The following SLC61A1 variants were observed in gnomAD, a reference collection of about 807,000 sequenced individuals.
SLC61A1 encodes solute carrier family 61 member 1.
At chr12:53,251,795 G>T in the SLC61A1 span, 1 of 1,537,310 alleles carries the variant, frequency 6.5e-7, no homozygotes, top group Non-Finnish European at 8.7e-7. Context: ...TCGGGCAGCG[G>T]TGCTGTTCCT....
chr12:53,252,258 CG>C, the SLC61A1 span: 44 of 1,401,300 alleles, frequency 3.1e-5, no homozygotes, highest in Non-Finnish European at 4.0e-5. Context: ...CCCCGCAGAC[CG>C]GGGCAGCAGG....
the SLC61A1 span, chr12:53,253,855 G>A: frequency 3.8e-5 from 61 of 1,614,048 alleles, no homozygotes; most frequent in Non-Finnish European, 4.5e-5. Context: ...AGGAGAGTCC[G>A]GTGGAGTCCT....
At chr12:53,252,619 C>G in the SLC61A1 span, 1 of 1,214,832 alleles carries the variant, frequency 8.2e-7, no homozygotes, top group Non-Finnish European at 1.1e-6. Flanking sequence ...TCTTCTTACC[C>G]CTCCCTGCCC....
chr12:53,251,378 G>A, the SLC61A1 span: 1 of 231,778 alleles, frequency 4.3e-6, no homozygotes, highest in African/African-American at 2.3e-5. Context: ...TTTACCCTTA[G>A]TGAGATGGGA....
the SLC61A1 span, chr12:53,251,988 G>C: frequency 3.4e-5 from 52 of 1,536,362 alleles, no homozygotes; most frequent in East Asian, 1.2e-3. Context: ...AGCCTCCTAT[G>C]GTCGCCCCTT....
the SLC61A1 span, chr12:53,253,432 G>A: frequency 6.2e-7 from 1 of 1,614,174 alleles, no homozygotes; most frequent in African/African-American, 1.3e-5. Context: ...TAGGGCTGGG[G>A]CCTGTAGCGC....
chr12:53,251,552 C>A, the SLC61A1 span: 1 of 612,108 alleles, frequency 1.6e-6, no homozygotes, highest in Non-Finnish European at 2.8e-6. Flanking sequence ...TTTATTTGGG[C>A]ATTGCTATCC....
At chr12:53,254,276 C>T in the SLC61A1 span, 2 of 1,479,274 alleles carry the variant, frequency 1.4e-6, no homozygotes, top group Non-Finnish European at 1.8e-6. Flanking sequence ...GACTTTGTGA[C>T]TGTCCTGTGG....
the SLC61A1 span, chr12:53,254,167 G>A: frequency 1.2e-6 from 2 of 1,614,080 alleles, no homozygotes; most frequent in Admixed American, 3.3e-5. Context: ...CTACTGAGGA[G>A]CCCTATGCCC....
the SLC61A1 span, chr12:53,252,416 G>T: frequency 7.8e-7 from 1 of 1,287,524 alleles, no homozygotes; most frequent in Non-Finnish European, 9.8e-7. Flanking sequence ...CTGCGCGGGT[G>T]GGAGGGATGC....
At chr12:53,254,172 A>G in the SLC61A1 span, 4 of 1,613,868 alleles carry the variant, frequency 2.5e-6, no homozygotes, top group Admixed American at 1.7e-5. Flanking sequence ...GAGGAGCCCT[A>G]TGCCCCTGAG....
the SLC61A1 span, chr12:53,253,323 C>G: frequency 6.2e-7 from 1 of 1,614,260 alleles, no homozygotes; most frequent in South Asian, 1.1e-5. Context: ...CATGACTTCC[C>G]TGCTGAGTGG....
chr12:53,253,176 C>T, the SLC61A1 span: 6 of 1,614,264 alleles, frequency 3.7e-6, no homozygotes, highest in Non-Finnish European at 4.2e-6. Flanking sequence ...TTCTCCCTGA[C>T]TTACTCACTA....
the SLC61A1 span, chr12:53,252,862 TG>T: frequency 6.2e-7 from 1 of 1,614,076 alleles, no homozygotes; most frequent in Non-Finnish European, 8.5e-7. Flanking sequence ...ACCTTGCTTT[TG>T]TAGGCCTCCT....
the SLC61A1 span, chr12:53,252,502 C>T: frequency 1.9e-5 from 25 of 1,340,042 alleles, no homozygotes; most frequent in Admixed American, 3.5e-5. Context: ...AGGAAGTGTA[C>T]GGGAGCTGCT....
the SLC61A1 span, chr12:53,253,613 G>T: frequency 6.2e-7 from 1 of 1,613,884 alleles, no homozygotes; most frequent in Non-Finnish European, 8.5e-7. Flanking sequence ...AGCTCTATTT[G>T]AGAGTGTCAT....
At chr12:53,252,663 A>T in the SLC61A1 span, among the ~76,000 whole-genome samples, 41 of 151,494 alleles carry the variant, frequency 2.7e-4, no homozygotes, top group African/African-American at 9.7e-4. Flanking sequence ...TGGCGTGGCC[A>T]CTCCTCCCAC....
At chr12:53,251,452 G>A in the SLC61A1 span, 1 of 449,732 alleles carries the variant, frequency 2.2e-6, no homozygotes, top group Non-Finnish European at 4.0e-6. Flanking sequence ...GTTTTTCCAA[G>A]GTAAAACAGC....
the SLC61A1 span, chr12:53,252,979 C>G: frequency 6.2e-7 from 1 of 1,614,234 alleles, no homozygotes; most frequent in African/African-American, 1.3e-5. Context: ...TCTATCAGGT[C>G]TACTTCCTGG....
Sources: allele counts gnomAD v4.1 joint callset (sites outside exome capture counted in the v4.1 genomes callset), GRCh38; gene constraint gnomAD v4.1.1; transcripts MANE v1.5; gene names NCBI Gene and HGNC (gene_info 2026-07-23, HGNC 2026-07-21).